PTPRO: variants seen among roughly 807,000 people sequenced by gnomAD.
PTPRO encodes the protein receptor-type tyrosine-protein phosphatase O.
Under a neutral mutation model 145.2 loss-of-function variants are expected in PTPRO, and 62 were observed. The observed-to-expected ratio is 0.43, with a 90% CI of 0.35 to 0.53. The LOEUF is 0.53. PTPRO is among the 20% of genes least tolerant of loss of function. The pLI, the probability that PTPRO is intolerant of heterozygous loss-of-function variation, is 0.01. For missense variants in PTPRO, 1,345 were observed against 1,482.7 expected, an observed-to-expected ratio of 0.91 and a Z score of 1.53; for synonymous variants, 565 against 514.7, an observed-to-expected ratio of 1.10 and a Z score of -1.32.
At chr12:15,567,170 C>T (rs1397800070) in intron 18 of PTPRO, among the ~76,000 whole-genome samples, 3 of 152,138 alleles carry the variant, frequency 2.0e-5, no homozygotes, top group African/African-American at 7.2e-5. Context: ...AAACTCACAT[C>T]AATTCGGCTT....
Position 15,460,978 on chromosome 12 carries a change from G to A in PTPRO, c.76-22996G>A, listed in dbSNP as rs187627865. On this transcript the variant is annotated intron_variant, in intron 1 of 26. Coordinates refer to ENST00000281171, the MANE Select transcript of PTPRO (RefSeq NM_030667.3). ...TAAATGGACTTCCTCTTCATCCAGG[G>A]CACTCTTAAATTTTAACTTGAGACA... Among the ~76,000 whole-genome samples the A allele has an allele frequency of 2.9e-3, 435 of 152,156 alleles. 1 individual carries two copies. The highest frequency in any genetic ancestry group is 6.2e-3 in the South Asian group (30 of 4,824).
intron 1 of PTPRO, among the ~76,000 whole-genome samples, chr12:15,363,451 G>T (rs1938269421): frequency 6.6e-6 from 1 of 152,002 alleles, no homozygotes; most frequent in Non-Finnish European, 1.5e-5. Context: ...AATTCAAAAA[G>T]ACTTTAATAG....
chr12:15,565,567 T>C, intron 17 of PTPRO, 26 bp from the exon 18 acceptor site: 1 of 1,409,426 alleles, frequency 7.1e-7, no homozygotes. Context: ...CCCAGATAAA[T>C]TTGTCTTTTC....
At chr12:15,526,746 A>G (rs1298551011) in intron 12 of PTPRO, among the ~76,000 whole-genome samples, 3 of 152,216 alleles carry the variant, frequency 2.0e-5, no homozygotes, top group Non-Finnish European at 2.9e-5. Context: ...TGGATTTCCT[A>G]AATATATGGT....
At chr12:15,562,054 T>A (rs546236871) in intron 17 of PTPRO, among the ~76,000 whole-genome samples, 1 of 152,242 alleles carries the variant, frequency 6.6e-6, no homozygotes, top group East Asian at 1.9e-4. Flanking sequence ...ACCTTGAAAC[T>A]GTAAATGGTT....
chr12:15,587,345 G>A (rs1171455198), intron 24 of PTPRO, among the ~76,000 whole-genome samples: 1 of 152,194 alleles, frequency 6.6e-6, no homozygotes, highest in Non-Finnish European at 1.5e-5. Flanking sequence ...GGAGGAGTTA[G>A]TATTCAAATC....
At chr12:15,508,796 G>A (rs75102899) in intron 7 of PTPRO, 29 bp downstream of exon 7, 30 of 1,606,090 alleles carry the variant, frequency 1.9e-5, no homozygotes, top group African/African-American at 8.0e-5. Context: ...GAATGGGCTC[G>A]CCGGTCCTTC....
chr12:15,483,332 A>T (rs999315404), intron 1 of PTPRO, among the ~76,000 whole-genome samples: 21 of 152,138 alleles, frequency 1.4e-4, no homozygotes, highest in Non-Finnish European at 2.2e-4. Context: ...CAAAGTTTTT[A>T]AAAAGTCCAT....
chr12:15,578,973 C>G, intron 20 of PTPRO, 30 bp downstream of exon 20: 1 of 1,507,244 alleles, frequency 6.6e-7, no homozygotes. Flanking sequence ...CAATAACACT[C>G]ATGTCTTAAG....
chr12:15,406,375 G>T (rs576260198), intron 1 of PTPRO, among the ~76,000 whole-genome samples: 1 of 152,110 alleles, frequency 6.6e-6, no homozygotes, highest in Non-Finnish European at 1.5e-5. Context: ...AATGAAATTC[G>T]TGTTTCTGGA....
intron 1 of PTPRO, among the ~76,000 whole-genome samples, chr12:15,350,031 G>T (rs948194217): frequency 1.3e-5 from 2 of 152,156 alleles, no homozygotes; most frequent in Non-Finnish European, 2.9e-5. Context: ...AGCCAGTCTG[G>T]AATTTAGAAT....
intron 1 of PTPRO, among the ~76,000 whole-genome samples, chr12:15,434,558 T>C (rs1042345285): frequency 2.0e-5 from 3 of 152,192 alleles, no homozygotes; most frequent in Admixed American, 1.3e-4. Context: ...ATCAAAAGTG[T>C]TATTCACATA....
chr12:15,400,922 T>C, intron 1 of PTPRO, among the ~76,000 whole-genome samples: 1 of 152,242 alleles, frequency 6.6e-6, no homozygotes, highest in East Asian at 1.9e-4. Flanking sequence ...GCTTATGGTA[T>C]ATTTCAGCAA....
At chr12:15,353,868 C>T (rs1402325234) in intron 1 of PTPRO, among the ~76,000 whole-genome samples, 3 of 152,130 alleles carry the variant, frequency 2.0e-5, no homozygotes, top group African/African-American at 7.2e-5. Context: ...CTAGTAAAGC[C>T]ATGTTTCATC....
chr12:15,342,221 T>C (rs1357234579), intron 1 of PTPRO, among the ~76,000 whole-genome samples: 1 of 152,208 alleles, frequency 6.6e-6, no homozygotes, highest in Non-Finnish European at 1.5e-5. Flanking sequence ...TGACTTAATA[T>C]ATAAAAGTCA....
chr12:15,375,264 G>A (rs1304653476), intron 1 of PTPRO, among the ~76,000 whole-genome samples: 1 of 152,158 alleles, frequency 6.6e-6, no homozygotes, highest in Non-Finnish European at 1.5e-5. Context: ...CAATTTTTAA[G>A]AGAAAAATTG....
At chr12:15,537,522 G>A (rs141108874) in intron 12 of PTPRO, among the ~76,000 whole-genome samples, 255 of 152,246 alleles carry the variant, frequency 1.7e-3, no homozygotes, top group Middle Eastern at 6.8e-3. Flanking sequence ...GTAAGATGAG[G>A]AATGAGAATT....
intron 23 of PTPRO, among the ~76,000 whole-genome samples, chr12:15,584,239 A>G (rs1944384328): frequency 6.6e-6 from 1 of 152,260 alleles, no homozygotes; most frequent in Non-Finnish European, 1.5e-5. Context: ...CAAAAATAAT[A>G]AGGCACTTGT....
intron 7 of PTPRO, among the ~76,000 whole-genome samples, chr12:15,511,003 CAAAA>C (rs10648692): frequency 1.1e-4 from 12 of 105,662 alleles, no homozygotes; most frequent in African/African-American, 3.0e-4. Flanking sequence ...TCTGTCTCCA[CAAAA>C]AAAAAAAAAA....
Sources: gnomAD v4.1 joint callset for allele counts (sites outside exome capture counted in the v4.1 genomes callset) on GRCh38, gnomAD v4.1.1 for gene constraint, MANE v1.5 for transcripts, NCBI Gene and HGNC (gene_info 2026-07-23, HGNC 2026-07-21) for gene names.